Variants in BMPER observed in about 807,000 individuals in gnomAD.
The protein encoded by BMPER is BMP binding endothelial regulator.
BMPER carries 45 observed loss-of-function variants against 87.3 expected under a neutral mutation model. The ratio of observed to expected loss-of-function variants is 0.52; its 90% CI spans 0.41 to 0.66. The LOEUF (loss-of-function observed/expected upper bound fraction) is 0.66, where lower values mean the gene tolerates loss of function less well. Among genes scored for constraint, BMPER ranks in the 30% least tolerant of loss-of-function variants. The pLI is 0.00. For synonymous variants in BMPER, 326 were observed against 316.2 expected (o/e 1.03, Z -0.33); for missense variants, 784 against 867.5 (o/e 0.90, Z 1.21).
At chr7:33,995,361 C>T (rs1309842259) in intron 6 of BMPER, among the ~76,000 whole-genome samples, 2 of 151,860 alleles carry the variant, frequency 1.3e-5, no homozygotes, top group African/African-American at 4.8e-5. Context: ...TGCAGAAATA[C>T]AATTAGAAGT....
rs957278996 is a variant in BMPER, at chr7:34,070,836, T to A, written c.1079-8021T>A. Among the ~76,000 whole-genome samples the A allele has an allele frequency of 4.1e-5, 6 of 147,798 alleles. No homozygotes were observed. The South Asian group carries it at 6.4e-4, about 16-fold the overall frequency. Reference sequence around the variant, plus strand: ...CAGAGCTTTTTTTTTTTTTTTTTTTTAATTTCTACTTATTTTGGCAGAGCA... The same window carrying A: ...CAGAGCTTTTTTTTTTTTTTTTTTTAAATTTCTACTTATTTTGGCAGAGCA... On this transcript the variant is annotated intron_variant, in intron 11 of 14. Transcript: ENST00000649409.
intron 6 of BMPER, among the ~76,000 whole-genome samples, chr7:34,039,161 C>T (rs1032302862): frequency 6.6e-6 from 1 of 152,178 alleles, no homozygotes; most frequent in Non-Finnish European, 1.5e-5. Flanking sequence ...GTCTTGAGCA[C>T]ATGTTAGAAG....
intron 13 of BMPER, among the ~76,000 whole-genome samples, chr7:34,138,167 C>T (rs1790769026): frequency 6.6e-6 from 1 of 152,172 alleles, no homozygotes; most frequent in African/African-American, 2.4e-5. Flanking sequence ...TAAATAACCA[C>T]ATGTGTCTAA....
At chr7:33,957,930 A>G (rs1252215840) in intron 3 of BMPER, among the ~76,000 whole-genome samples, 2 of 152,216 alleles carry the variant, frequency 1.3e-5, no homozygotes, top group Non-Finnish European at 2.9e-5. Flanking sequence ...AGTGACACAG[A>G]TGGTGTTTCA....
chr7:34,046,305 G>C lies in BMPER; in HGVS notation c.577-1G>C. 1 of 1,613,040 alleles carries C rather than the reference G, an allele frequency of 6.2e-7. No homozygotes were observed. Among genetic ancestry groups the C allele is most frequent in the Non-Finnish European group, 8.5e-7 (1 of 1,179,222 alleles). On this transcript the variant is annotated splice_acceptor_variant, in intron 6 of 14. Transcript: ENST00000649409. LOFTEE classifies it high-confidence loss of function. ...TGCTTTTTTTTTCTCTCTTTTCTTA[G>C]GGAGGCAGGACACAATGTGTGAGAG...
intron 13 of BMPER, among the ~76,000 whole-genome samples, chr7:34,132,543 G>A (rs897354230): frequency 2.0e-5 from 3 of 152,202 alleles, no homozygotes; most frequent in Non-Finnish European, 4.4e-5. Context: ...TATTCTCTTG[G>A]TGTTTGTTGA....
chr7:33,988,093 A>G (rs1786062574), intron 6 of BMPER, among the ~76,000 whole-genome samples: 1 of 152,228 alleles, frequency 6.6e-6, no homozygotes, highest in Non-Finnish European at 1.5e-5. Flanking sequence ...TACATTATTC[A>G]TACTGATATA....
chr7:34,054,628 C>T (rs554305474), intron 8 of BMPER, among the ~76,000 whole-genome samples: 1 of 152,300 alleles, frequency 6.6e-6, no homozygotes, highest in East Asian at 1.9e-4. Context: ...AACCCAGGTC[C>T]AGTTTTGAAA....
intron 3 of BMPER, among the ~76,000 whole-genome samples, chr7:33,947,937 CTT>C (rs1784926586): frequency 6.6e-6 from 1 of 152,044 alleles, no homozygotes; most frequent in Admixed American, 6.5e-5. Flanking sequence ...TAAAAAAACT[CTT>C]ATATGAAAAT....
chr7:34,070,836 T>TTTTTTTTTTTTTTTTTTTCTTTTC (rs1554313846), intron 11 of BMPER, among the ~76,000 whole-genome samples: 1 of 147,798 alleles, frequency 6.8e-6, no homozygotes, highest in South Asian at 2.1e-4. Flanking sequence ...TTTTTTTTTT[T>TTTTTTTTTTTTTTTTTTTCTTTTC]AATTTCTACT....
intron 6 of BMPER, among the ~76,000 whole-genome samples, chr7:34,020,229 C>A (rs1787143834): frequency 6.6e-6 from 1 of 151,912 alleles, no homozygotes; most frequent in Non-Finnish European, 1.5e-5. Context: ...TGAAAAAAAT[C>A]TGATCAGACT....
In BMPER at chr7:34,048,093, C is replaced by T. The variant is rs150997459; in HGVS notation, c.676+1688C>T. Among the ~76,000 whole-genome samples, 670 of 152,072 alleles carry T rather than the reference C, an allele frequency of 4.4e-3. 7 individuals are homozygous for T. Among genetic ancestry groups the T allele is most frequent in the African/African-American group, 0.015 (602 of 41,508 alleles). On this transcript the variant is annotated intron_variant, in intron 7 of 14. Transcript: ENST00000649409. Reference sequence around the variant, plus strand: ...CCAGCCTCCTGTCCGTTAATGCCCACGCCTTTTTCTTGAATCCTCTCTCCT... The same window carrying T: ...CCAGCCTCCTGTCCGTTAATGCCCATGCCTTTTTCTTGAATCCTCTCTCCT...
chr7:34,130,424 T>C (rs1263566752), intron 13 of BMPER, among the ~76,000 whole-genome samples: 1 of 152,208 alleles, frequency 6.6e-6, no homozygotes, highest in Non-Finnish European at 1.5e-5. Flanking sequence ...CTTCCCTCAG[T>C]ATGTTAGTAG....
rs549123693 is a variant in BMPER at position 33,928,256 on chromosome 7, T to C, written c.220-9033T>C. On this transcript the variant is annotated intron_variant, in intron 2 of 14. Coordinates refer to ENST00000649409, the MANE Select transcript of BMPER (RefSeq NM_001365308.1). Reference sequence around the variant, plus strand: ...GGCAGAGTGAGTTGCAACCTACCTGTTGGTTTTTTGTTTGCTTTTGGGAAC... The same window carrying C: ...GGCAGAGTGAGTTGCAACCTACCTGCTGGTTTTTTGTTTGCTTTTGGGAAC... Among the ~76,000 whole-genome samples, 324 of 152,230 alleles carry C rather than the reference T, an allele frequency of 2.1e-3. 2 individuals are homozygous for C. The highest frequency in any genetic ancestry group is 6.8e-3 in the African/African-American group (282 of 41,536).
At chr7:34,109,617 T>C (rs1789910397) in intron 13 of BMPER, among the ~76,000 whole-genome samples, 1 of 152,150 alleles carries the variant, frequency 6.6e-6, no homozygotes, top group South Asian at 2.1e-4. Context: ...TAAAAAGAGG[T>C]TAGCTCAGTG....
chr7:33,974,857 C>T lies in BMPER; in HGVS notation c.576+73C>T, dbSNP rs184426218. 1,729 of 1,398,944 alleles carry T rather than the reference C, an allele frequency of 1.2e-3. 13 individuals are homozygous for T. In the African/African-American group the frequency reaches 0.018, roughly 15 times the overall value. 86.7% of individuals were successfully genotyped at this position (1,398,944 alleles called of 1,614,324 possible). ...TTCTTGTACTCACCAAGAGCACCCC[C>T]GGTCTCTACAGCCTCTCTCTCGTCT... On this transcript the variant is annotated intron_variant, in intron 6 of 14. Coordinates refer to ENST00000649409, the MANE Select transcript of BMPER (RefSeq NM_001365308.1).
intron 11 of BMPER, among the ~76,000 whole-genome samples, chr7:34,065,956 A>G (rs1402469608): frequency 1.3e-5 from 2 of 152,220 alleles, no homozygotes; most frequent in African/African-American, 2.4e-5. Context: ...AGAGCTTCAC[A>G]TACTCTCCAA....
chr7:33,965,654 A>G (rs1357864073), intron 3 of BMPER, among the ~76,000 whole-genome samples: 4 of 152,182 alleles, frequency 2.6e-5, no homozygotes, highest in African/African-American at 9.7e-5. Context: ...TACAGTGACT[A>G]TAGGCATCGC....
chr7:33,949,657 T>C (rs1784972760), intron 3 of BMPER, among the ~76,000 whole-genome samples: 1 of 152,164 alleles, frequency 6.6e-6, no homozygotes. Context: ...TGCTTCTTGA[T>C]GAAAGTTGTT....
Sources: allele counts gnomAD v4.1 joint callset (sites outside exome capture counted in the v4.1 genomes callset), GRCh38; gene constraint gnomAD v4.1.1; transcripts MANE v1.5; gene names NCBI Gene and HGNC (gene_info 2026-07-23, HGNC 2026-07-21).